The following TANGO6 variants were observed in gnomAD, a reference collection of about 807,000 sequenced individuals.
TANGO6 encodes transport and Golgi organization protein 6 homolog.
Under a neutral mutation model 114.2 loss-of-function variants are expected in TANGO6, and 90 were observed. The ratio of observed to expected loss-of-function variants is 0.79; its 90% CI spans 0.66 to 0.94. The LOEUF is 0.94. Ranked by LOEUF, TANGO6 falls within the 40% of genes least tolerant of loss-of-function variation. TANGO6 has a pLI of 0.00. For missense variants in TANGO6, 1,274 were observed against 1,315.3 expected, an observed-to-expected ratio of 0.97 and a Z score of 0.49; for synonymous variants, 477 against 509.8, an observed-to-expected ratio of 0.94 and a Z score of 0.87.
intron 17 of TANGO6, among the ~76,000 whole-genome samples, chr16:69,055,802 C>T (rs1391985865): frequency 6.6e-6 from 1 of 152,190 alleles, no homozygotes; most frequent in East Asian, 1.9e-4. Context: ...TTTGAGAGGC[C>T]GAGGCAGGTG....
At chr16:68,923,800 A>ATTTTGT (rs1963128877) in intron 12 of TANGO6, among the ~76,000 whole-genome samples, 1 of 150,838 alleles carries the variant, frequency 6.6e-6, no homozygotes, top group Non-Finnish European at 1.5e-5. Context: ...AGGAGGCATG[A>ATTTTGT]TTTGTTTTGT....
intron 15 of TANGO6, among the ~76,000 whole-genome samples, chr16:69,015,876 T>C (rs1203020861): frequency 1.3e-5 from 2 of 152,208 alleles, no homozygotes; most frequent in Non-Finnish European, 2.9e-5. Context: ...TATAGTGATA[T>C]GCTCTTGACT....
intron 6 of TANGO6, among the ~76,000 whole-genome samples, chr16:68,879,170 T>C (rs1962418266): frequency 6.6e-6 from 1 of 152,174 alleles, no homozygotes; most frequent in Admixed American, 6.5e-5. Flanking sequence ...TTTTTATTTC[T>C]GTATTGTCCA....
At chr16:68,961,825 C>T (rs1466472575) in intron 14 of TANGO6, among the ~76,000 whole-genome samples, 1 of 152,170 alleles carries the variant, frequency 6.6e-6, no homozygotes, top group Non-Finnish European at 1.5e-5. Flanking sequence ...AATAAATTTT[C>T]CTGCTGATTA....
intron 7 of TANGO6, among the ~76,000 whole-genome samples, chr16:68,890,595 G>A (rs1962598987): frequency 6.6e-6 from 1 of 152,222 alleles, no homozygotes; most frequent in Admixed American, 6.5e-5. Flanking sequence ...GAGAAATGGG[G>A]CATGTGGCCG....
chr16:69,038,594 T>A (rs1485870904), intron 16 of TANGO6, among the ~76,000 whole-genome samples: 2 of 152,186 alleles, frequency 1.3e-5, no homozygotes, highest in Admixed American at 6.5e-5. Flanking sequence ...ATCTCTTCAT[T>A]GAGATTTTAA....
At chr16:68,854,622 T>G (rs1018062966) in intron 1 of TANGO6, among the ~76,000 whole-genome samples, 11 of 151,860 alleles carry the variant, frequency 7.2e-5, no homozygotes, top group Admixed American at 1.3e-4. Flanking sequence ...GTCAAAGTTT[T>G]TTTTTTTTTT....
chr16:68,880,855 C>T (rs934403825), intron 7 of TANGO6, among the ~76,000 whole-genome samples: 1 of 151,940 alleles, frequency 6.6e-6, no homozygotes, highest in South Asian at 2.1e-4. Flanking sequence ...TTAATTAGCA[C>T]TTGAACCGTT....
intron 15 of TANGO6, among the ~76,000 whole-genome samples, chr16:69,003,797 C>T (rs1964066673): frequency 6.6e-6 from 1 of 152,036 alleles, no homozygotes; most frequent in Non-Finnish European, 1.5e-5. Flanking sequence ...ATCAGTCATT[C>T]TACTTTAGGA....
At chr16:68,940,951 T>TTA (rs1366858402) in intron 14 of TANGO6, among the ~76,000 whole-genome samples, 1 of 152,212 alleles carries the variant, frequency 6.6e-6, no homozygotes, top group African/African-American at 2.4e-5. Flanking sequence ...GACTTTGCAT[T>TTA]TATTTATAGT....
intron 15 of TANGO6, 45 bp downstream of exon 15, chr16:68,974,213 G>A: frequency 6.2e-7 from 1 of 1,612,548 alleles, no homozygotes; most frequent in Non-Finnish European, 8.5e-7. Flanking sequence ...TGGAGGATCA[G>A]TGTGACTTTG....
chr16:69,026,780 G>C (rs1253399169), intron 16 of TANGO6: 1 of 152,384 alleles, frequency 6.6e-6, no homozygotes, highest in Non-Finnish European at 1.5e-5. Context: ...GCGTGATCTT[G>C]ACTCACTGCA....
rs1330062893 is a variant in TANGO6 at position 68,880,601 on chromosome 16, C to T, written c.1348C>T (p.Leu450Phe). The T allele has an allele frequency of 3.1e-6, 5 of 1,612,540 alleles. No homozygotes were observed. The highest frequency in any genetic ancestry group is 4.2e-6 in the Non-Finnish European group (5 of 1,179,192). ...PGTILVTEEE[L>F]SRCIEDVFKV... ...AACTATTTTGGTGACAGAAGAAGAACTTAGTAGATGCATTGAGGATGTGTT... is the reference window on the plus strand; with the variant it reads ...AACTATTTTGGTGACAGAAGAAGAATTTAGTAGATGCATTGAGGATGTGTT... The change falls in exon 7 of 18, where the codon CTT becomes TTT. Residue 450 changes from leucine to phenylalanine, a missense_variant. By Grantham distance (22) the Leu-to-Phe change is conservative. Transcript: ENST00000261778.
rs563340445 is a variant in TANGO6 at position 68,857,603 on chromosome 16, C to T, written c.95-2281C>T. 1.9e-3 allele frequency among the ~76,000 whole-genome samples: 284 copies of T among 152,238 alleles called. 3 individuals are homozygous for T. The highest frequency in any genetic ancestry group is 6.6e-3 in the African/African-American group (273 of 41,540). ...TTGTAAGAAACTGCCAAACTGTCTTCCAAAGTGGCTATACTATTTTGCATT... is the reference window on the plus strand; with the variant it reads ...TTGTAAGAAACTGCCAAACTGTCTTTCAAAGTGGCTATACTATTTTGCATT... On this transcript the variant is annotated intron_variant, in intron 1 of 17. Transcript: ENST00000261778.
chr16:69,083,335 A>T, intron 17 of TANGO6, 150 bp from the exon 18 acceptor site: 1 of 986,502 alleles, frequency 1.0e-6, no homozygotes. Context: ...TGCGGATTAC[A>T]GGCATGAGCC....
At chr16:68,979,420 G>A (rs1963801472) in intron 15 of TANGO6, among the ~76,000 whole-genome samples, 1 of 151,840 alleles carries the variant, frequency 6.6e-6, no homozygotes. Context: ...AGTAGAGATG[G>A]GGTTTCATCA....
intron 7 of TANGO6, among the ~76,000 whole-genome samples, chr16:68,888,111 G>A (rs897767099): frequency 6.6e-6 from 1 of 152,118 alleles, no homozygotes. Context: ...GCATAGCCAC[G>A]TGTACTTCAT....
At chr16:68,869,647 G>A (rs1962236141) in intron 4 of TANGO6, among the ~76,000 whole-genome samples, 1 of 152,116 alleles carries the variant, frequency 6.6e-6, no homozygotes, top group African/African-American at 2.4e-5. Context: ...TGCCTTTTTT[G>A]TGTGTTCAGT....
chr16:69,017,872 A>G (rs1275889621), intron 15 of TANGO6, among the ~76,000 whole-genome samples: 2 of 152,038 alleles, frequency 1.3e-5, no homozygotes, highest in Admixed American at 1.3e-4. Flanking sequence ...ACAAAGGTAG[A>G]AAAGTATATT....
Sources: gnomAD v4.1 joint callset for allele counts (sites outside exome capture counted in the v4.1 genomes callset) on GRCh38, gnomAD v4.1.1 for gene constraint, MANE v1.5 for transcripts, NCBI Gene and HGNC (gene_info 2026-07-23, HGNC 2026-07-21) for gene names.